ENPEP: variants seen among roughly 807,000 people sequenced by gnomAD.
The protein encoded by ENPEP is AP-A.
ENPEP carries 103 observed loss-of-function variants against 114.5 expected under a neutral mutation model. That is an observed-to-expected ratio of 0.90 (90% CI 0.77 to 1.06). ENPEP has a LOEUF of 1.06. Among genes scored for constraint, ENPEP ranks in the 50% least tolerant of loss-of-function variants. The pLI is 0.00. For missense variants in ENPEP, 1,196 were observed against 1,161.3 expected (o/e 1.03, Z -0.43); for synonymous variants, 420 against 422.0 (o/e 1.00, Z 0.06).
Position 110,513,523 on chromosome 4 carries a change from G to C in ENPEP, c.1417G>C (p.Val473Leu). 1 of 1,613,140 alleles carries C rather than the reference G, an allele frequency of 6.2e-7. No individual in the cohort carries two copies. The highest frequency in any genetic ancestry group is 2.2e-5 in the East Asian group (1 of 44,750). The change falls in exon 7 of 20, where the codon GTT (valine) becomes CTT (leucine). Residue 473 changes from valine (V) to leucine (L), a missense_variant. By Grantham distance (32) the Val-to-Leu change is conservative. Coordinates refer to ENST00000265162, the MANE Select transcript of ENPEP (RefSeq NM_001977.4). ...GACAACCCCTGATGAAATAACATCT[G>C]TTTTTGATGGAATATCCTATAGCAA... ...TVTTPDEITS[V>L]FDGISYSKGS... is the part of the protein sequence containing the mutation.
intron 1 of ENPEP, among the ~76,000 whole-genome samples, chr4:110,487,486 A>G (rs1724548510): frequency 6.6e-6 from 1 of 152,194 alleles, no homozygotes; most frequent in Non-Finnish European, 1.5e-5. Flanking sequence ...AGCTAGAAAA[A>G]TGTCTGCAAA....
intron 13 of ENPEP, among the ~76,000 whole-genome samples, chr4:110,547,672 A>G (rs669262): frequency 0.86 from 130,793 of 152,072 alleles, 56,524 homozygotes; most frequent in East Asian, 0.92. Context: ...TGGGAAATGT[A>G]TAAGAAGATG....
intron 10 of ENPEP, among the ~76,000 whole-genome samples, chr4:110,529,958 C>T (rs1443877791): frequency 6.6e-6 from 1 of 152,128 alleles, no homozygotes; most frequent in Non-Finnish European, 1.5e-5. Flanking sequence ...TGCCTGTAAT[C>T]CCAGCTACTT....
intron 3 of ENPEP, among the ~76,000 whole-genome samples, chr4:110,495,127 T>C (rs1724878393): frequency 6.6e-6 from 1 of 152,172 alleles, no homozygotes; most frequent in Non-Finnish European, 1.5e-5. Flanking sequence ...GTCATGAACA[T>C]GAGAGTTCAG....
intron 18 of ENPEP, among the ~76,000 whole-genome samples, chr4:110,556,489 A>G (rs535230899): frequency 1.3e-5 from 2 of 151,142 alleles, no homozygotes; most frequent in African/African-American, 4.8e-5. Context: ...GTGTACATAC[A>G]TCTTAGTTTA....
Position 110,498,721 on chromosome 4 carries a change from C to T in ENPEP, c.918+7557C>T, listed in dbSNP as rs144455548. ...ACCCAGGTGACGGTGGCAGTGGTAA[C>T]GGGCAGTCTGTTTAAGCTGATTCTT... On this transcript the variant is annotated intron_variant, in intron 3 of 19. Transcript: ENST00000265162. Among the ~76,000 whole-genome samples the T allele has an allele frequency of 4.8e-3, 727 of 152,254 alleles. 4 individuals are homozygous for T. Among genetic ancestry groups the T allele is most frequent in the African/African-American group, 0.017 (703 of 41,552 alleles).
At chr4:110,544,819 A>G (rs1283125213) in intron 13 of ENPEP, among the ~76,000 whole-genome samples, 1 of 152,158 alleles carries the variant, frequency 6.6e-6, no homozygotes, top group Non-Finnish European at 1.5e-5. Context: ...CAAATAACTT[A>G]CACTACTGAA....
At chr4:110,560,781 G>A (rs918843142) in intron 19 of ENPEP, among the ~76,000 whole-genome samples, 1 of 152,142 alleles carries the variant, frequency 6.6e-6, no homozygotes, top group Non-Finnish European at 1.5e-5. Context: ...GAGGAGAAAT[G>A]TCTATTAATG....
chr4:110,484,756 A>T (rs1487977995), intron 1 of ENPEP, among the ~76,000 whole-genome samples: 1 of 121,968 alleles, frequency 8.2e-6, no homozygotes, highest in Admixed American at 8.0e-5. Flanking sequence ...ATTATATTTT[A>T]TATATATATT....
intron 18 of ENPEP, among the ~76,000 whole-genome samples, chr4:110,556,683 G>C (rs902976445): frequency 6.6e-6 from 1 of 151,966 alleles, no homozygotes; most frequent in Non-Finnish European, 1.5e-5. Context: ...TATTTTTAGG[G>C]TTTCTGATAA....
chr4:110,538,179 C>T (rs1433117583), intron 11 of ENPEP, among the ~76,000 whole-genome samples: 1 of 152,192 alleles, frequency 6.6e-6, no homozygotes, highest in Non-Finnish European at 1.5e-5. Flanking sequence ...CAGGCATTGA[C>T]TTCTCTCTAG....
intron 8 of ENPEP, chr4:110,516,002 C>T (rs983059870): frequency 7.1e-6 from 2 of 281,142 alleles, no homozygotes; most frequent in Non-Finnish European, 7.2e-6. Context: ...CCAAAGGCTT[C>T]GTTTCTAAAT....
chr4:110,481,602 C>T (rs1425719115), intron 1 of ENPEP, among the ~76,000 whole-genome samples: 1 of 152,102 alleles, frequency 6.6e-6, no homozygotes, highest in Non-Finnish European at 1.5e-5. Context: ...ATTGCATTAC[C>T]ACAGCTTCTC....
At chr4:110,525,445 C>A (rs977644289) in intron 10 of ENPEP, among the ~76,000 whole-genome samples, 72 of 151,180 alleles carry the variant, frequency 4.8e-4, no homozygotes, top group African/African-American at 1.7e-3. Flanking sequence ...CCTCTTTCAA[C>A]ATTTGAATGC....
intron 18 of ENPEP, among the ~76,000 whole-genome samples, chr4:110,557,128 TGATA>T (rs1727505059): frequency 6.6e-6 from 1 of 151,942 alleles, no homozygotes; most frequent in Non-Finnish European, 1.5e-5. Flanking sequence ...ATGGTTTAAG[TGATA>T]GAGGGGTGGG....
At chr4:110,499,800 G>A (rs948749355) in intron 3 of ENPEP, among the ~76,000 whole-genome samples, 1 of 152,114 alleles carries the variant, frequency 6.6e-6, no homozygotes, top group Non-Finnish European at 1.5e-5. Context: ...GTGGATTAGG[G>A]GTTGTGGGAA....
chr4:110,557,672 T>A (rs973596918), intron 18 of ENPEP, among the ~76,000 whole-genome samples: 7 of 152,156 alleles, frequency 4.6e-5, no homozygotes, highest in Admixed American at 4.6e-4. Flanking sequence ...CTAGGAAATG[T>A]GTCAGAGGCC....
chr4:110,502,943 T>G, intron 3 of ENPEP, among the ~76,000 whole-genome samples: 1 of 152,106 alleles, frequency 6.6e-6, no homozygotes. Flanking sequence ...CTAGGGTGCA[T>G]GTACACAACG....
rs144150913 is a variant in ENPEP at position 110,479,916 on chromosome 4, T to C, written c.644+2858T>C. On this transcript the variant is annotated intron_variant, in intron 1 of 19. Transcript: ENST00000265162. Reference sequence around the variant, plus strand: ...AGTCTCCATTAATAAGTTTCTATTATGTACTTTATAAGTCTAAAAAAAGCA... The same window carrying C: ...AGTCTCCATTAATAAGTTTCTATTACGTACTTTATAAGTCTAAAAAAAGCA... Among the ~76,000 whole-genome samples the C allele has an allele frequency of 6.8e-3, 1,041 of 152,332 alleles. 11 individuals are homozygous for C. The highest frequency in any genetic ancestry group is 0.024 in the African/African-American group (995 of 41,586).
Sources: gnomAD v4.1 joint callset for allele counts (sites outside exome capture counted in the v4.1 genomes callset) on GRCh38, gnomAD v4.1.1 for gene constraint, MANE v1.5 for transcripts, NCBI Gene and HGNC (gene_info 2026-07-23, HGNC 2026-07-21) for gene names.